Variants in SLC36A4 observed in about 807,000 individuals in gnomAD.
The protein encoded by SLC36A4 is neutral amino acid uniporter 4.
A neutral mutation model predicts 50.5 loss-of-function variants in SLC36A4; 49 were observed. That is an observed-to-expected ratio of 0.97 (90% CI 0.77 to 1.23). The LOEUF (loss-of-function observed/expected upper bound fraction) is 1.23. SLC36A4 is among the 50% of genes most tolerant of loss of function. SLC36A4 has a pLI of 0.00. For synonymous variants in SLC36A4, 207 were observed against 206.5 expected (o/e 1.00, Z -0.02); for missense variants, 611 against 608.4 (o/e 1.00, Z -0.05).
chr11:93,155,150 T>C (rs1239884628), intron 9 of SLC36A4: 1 of 152,078 alleles, frequency 6.6e-6, no homozygotes, highest in African/African-American at 2.4e-5. Context: ...TGCAGAATAA[T>C]AAAATTAATA....
At chr11:93,153,764 C>A (rs576067619) in intron 10 of SLC36A4, among the ~76,000 whole-genome samples, 237 of 152,092 alleles carry the variant, frequency 1.6e-3, no homozygotes, top group African/African-American at 5.4e-3. Flanking sequence ...TATACAAAAA[C>A]AGGAATGAAA....
chr11:93,175,395 C>T (rs1480596884), intron 6 of SLC36A4, among the ~76,000 whole-genome samples: 1 of 150,054 alleles, frequency 6.7e-6, no homozygotes, highest in African/African-American at 2.4e-5. Flanking sequence ...TTTCAAAAAA[C>T]CAGCTCCTGG....
At chr11:93,179,987 A>G (rs1861665718) in intron 6 of SLC36A4, 2 of 578,428 alleles carry the variant, frequency 3.5e-6, no homozygotes, top group African/African-American at 2.0e-5. Flanking sequence ...ACACAAATGC[A>G]CAAGAACCTA....
rs570439171 is a variant in SLC36A4 at position 93,154,063 on chromosome 11, G to T, written c.1207+45C>A. 333 of 909,920 alleles carry T rather than the reference G, an allele frequency of 3.7e-4. 1 individual carries two copies. The South Asian group carries it at 9.3e-3, about 25-fold the overall frequency. 56.4% of individuals were successfully genotyped at this position (909,920 alleles called of 1,614,324 possible). A position where few individuals can be genotyped will look rare whatever the true frequency, so the allele number is the denominator to read the frequency against. ...CATCTTATATAGCTTTCAAGAAATT[G>T]AACAATAAAAAATTATTATGATATA... On this transcript the variant is annotated intron_variant, in intron 10 of 10. Coordinates refer to ENST00000326402, the MANE Select transcript of SLC36A4 (RefSeq NM_152313.4).
In SLC36A4 at chr11:93,144,790, A is replaced by T. The variant is rs911369289; in HGVS notation, c.*3747T>A. ...TAGGAAGTACAACTACACTTTTCAG[A>T]TCCAAGTTTCTCAAATTTTCTTATT... On this transcript the variant is annotated 3_prime_UTR_variant, in exon 11 of 11. Coordinates refer to ENST00000326402, the MANE Select transcript of SLC36A4 (RefSeq NM_152313.4). 1 of 152,052 alleles carries T rather than the reference A, an allele frequency of 6.6e-6. No individual in the cohort carries two copies. The highest frequency in any genetic ancestry group is 6.6e-5 in the Admixed American group (1 of 15,240). The allele number at this position is 152,052 out of a possible 1,614,324, so 9.4% of individuals were successfully genotyped here. A position where few individuals can be genotyped will look rare whatever the true frequency, so the allele number is the denominator to read the frequency against.
intron 9 of SLC36A4, 117 bp downstream of exon 9, chr11:93,162,589 A>C: frequency 1.1e-6 from 1 of 891,166 alleles, no homozygotes; most frequent in Non-Finnish European, 1.6e-6. Context: ...GATTCCAGGA[A>C]ATCACAGTAA....
At chr11:93,168,983 G>A (rs947432534) in intron 6 of SLC36A4, among the ~76,000 whole-genome samples, 1 of 151,974 alleles carries the variant, frequency 6.6e-6, no homozygotes, top group African/African-American at 2.4e-5. Flanking sequence ...TTTAGAAACA[G>A]TCTTAAAAAT....
At chr11:93,178,461 G>A (rs539742877) in intron 6 of SLC36A4, among the ~76,000 whole-genome samples, 11 of 152,224 alleles carry the variant, frequency 7.2e-5, no homozygotes, top group Admixed American at 2.6e-4. Context: ...AAAATCACCC[G>A]TCTTCTGTGT....
chr11:93,165,635 T>C (rs548672518), intron 8 of SLC36A4, among the ~76,000 whole-genome samples: 1 of 152,208 alleles, frequency 6.6e-6, no homozygotes, highest in South Asian at 2.1e-4. Flanking sequence ...TTGTATAGGT[T>C]TGAAATTTTC....
At position 93,148,817 on chromosome 11, in the gene SLC36A4, A is replaced by G. The variant is rs1463498613; in HGVS notation, c.1235T>C (p.Leu412Ser). 2 of 1,611,494 alleles carry G rather than the reference A, an allele frequency of 1.2e-6. No homozygotes were observed. The highest frequency in any genetic ancestry group is 2.7e-5 in the African/African-American group (2 of 74,744). Reference protein sequence around the residue: ...TCAGAILIPRLDIVISFVGAV... With the variant: ...TCAGAILIPRSDIVISFVGAV... The stretch of plus-strand genomic sequence containing the variant: ...TCCAACGAAGGAAATCACAATGTCT[A>G]AACGAGGAATAAGAATTGCTCCGGC... Residue 412 changes from leucine to serine, a missense_variant, in exon 11 of 11, where the codon TTA becomes TCA. By Grantham distance (145) the Leu-to-Ser change is moderately radical (BLOSUM62 -2). Coordinates refer to ENST00000326402, the MANE Select transcript of SLC36A4 (RefSeq NM_152313.4).
At chr11:93,177,200 A>G (rs1861518486) in intron 6 of SLC36A4, among the ~76,000 whole-genome samples, 1 of 151,912 alleles carries the variant, frequency 6.6e-6, no homozygotes. Context: ...CATTCATTTG[A>G]TCTTCAATCA....
chr11:93,148,952 T>C, intron 10 of SLC36A4, 108 bp from the exon 11 acceptor site: 1 of 1,114,122 alleles, frequency 9.0e-7, no homozygotes, highest in South Asian at 1.5e-5. Flanking sequence ...AAATAATTAA[T>C]GAAAGTTGAA....
intron 6 of SLC36A4, among the ~76,000 whole-genome samples, chr11:93,177,946 G>T (rs1178510245): frequency 6.6e-6 from 1 of 152,188 alleles, no homozygotes; most frequent in Admixed American, 6.5e-5. Flanking sequence ...GCTGCCTTTT[G>T]TTTAGCTATG....
intron 9 of SLC36A4, among the ~76,000 whole-genome samples, chr11:93,156,061 G>T (rs1010876080): frequency 2.0e-5 from 3 of 152,152 alleles, no homozygotes; most frequent in African/African-American, 7.2e-5. Flanking sequence ...TTTTCTAATA[G>T]AATGATTTAT....
Position 93,173,474 on chromosome 11 carries a change from T to G in SLC36A4, c.541-5303A>C, listed in dbSNP as rs1276341737. 1.5e-4 allele frequency among the ~76,000 whole-genome samples: 22 copies of G among 148,828 alleles called. No homozygotes were observed. In the East Asian group the frequency reaches 2.8e-3, roughly 19 times the overall value. On this transcript the variant is annotated intron_variant, in intron 6 of 10. Transcript: ENST00000326402. ...AATTAGATCCCATTTGTCAATTTTGTCTTTTGTTGCCATTGCTTTTGGTGT... is the reference window on the plus strand; with the variant it reads ...AATTAGATCCCATTTGTCAATTTTGGCTTTTGTTGCCATTGCTTTTGGTGT...
chr11:93,185,632 A>T (rs1861950098), intron 2 of SLC36A4, 59 bp downstream of exon 2: 4 of 1,446,788 alleles, frequency 2.8e-6, no homozygotes, highest in African/African-American at 1.4e-5. Flanking sequence ...CTGTAGAAGA[A>T]GATTACAAAA....
chr11:93,152,683 T>C (rs1290606974), intron 10 of SLC36A4: 2 of 152,080 alleles, frequency 1.3e-5, no homozygotes, highest in Non-Finnish European at 1.5e-5. Flanking sequence ...TGCCAGCCAA[T>C]ATACAGAAAT....
At chr11:93,179,959 T>C in intron 6 of SLC36A4, 2 of 381,818 alleles carry the variant, frequency 5.2e-6, no homozygotes, top group Non-Finnish European at 7.2e-6. Flanking sequence ...AGTCTATACT[T>C]AGAAAAGAGA....
At chr11:93,171,605 TA>T (rs1861138415) in intron 6 of SLC36A4, 1 of 152,056 alleles carries the variant, frequency 6.6e-6, no homozygotes, top group South Asian at 2.1e-4. Context: ...AAGGCATTAT[TA>T]ACATTATTCT....
Sources: allele counts gnomAD v4.1 joint callset (sites outside exome capture counted in the v4.1 genomes callset), GRCh38; gene constraint gnomAD v4.1.1; transcripts MANE v1.5; gene names NCBI Gene and HGNC (gene_info 2026-07-23, HGNC 2026-07-21).